The following WWP1 variants were observed in gnomAD, a reference collection of about 807,000 sequenced individuals.
The protein encoded by WWP1 is WW domain containing E3 ubiquitin protein ligase 1.
Under a neutral mutation model 130.6 loss-of-function variants are expected in WWP1, and 49 were observed. The observed-to-expected ratio is 0.38, with a 90% CI of 0.30 to 0.48. The LOEUF is 0.48. WWP1 is among the 20% of genes least tolerant of loss of function. The pLI, the probability that WWP1 is intolerant of heterozygous loss-of-function variation, is 0.99. For missense variants in WWP1, 809 were observed against 1,100.6 expected, an observed-to-expected ratio of 0.74 and a Z score of 3.75; for synonymous variants, 332 against 367.8, an observed-to-expected ratio of 0.90 and a Z score of 1.11.
chr8:86,361,985 TATATATAC>T (rs1282312328), intron 1 of WWP1, among the ~76,000 whole-genome samples: 39 of 135,086 alleles, frequency 2.9e-4, no homozygotes, highest in East Asian at 2.7e-3. Flanking sequence ...TATATATATA[TATATATAC>T]ATATATATAC....
At chr8:86,429,377 A>G (rs1022654375) in intron 11 of WWP1, among the ~76,000 whole-genome samples, 1 of 152,186 alleles carries the variant, frequency 6.6e-6, no homozygotes, top group African/African-American at 2.4e-5. Flanking sequence ...GGTTCTCAAG[A>G]ACAGGTGGAA....
chr8:86,385,155 G>A (rs1233849130), intron 5 of WWP1, among the ~76,000 whole-genome samples: 1 of 152,164 alleles, frequency 6.6e-6, no homozygotes, highest in Non-Finnish European at 1.5e-5. Context: ...TCTGATTTGA[G>A]GGGCAAGGTT....
chr8:86,414,530 A>C (rs966851017), intron 9 of WWP1, among the ~76,000 whole-genome samples: 7 of 152,186 alleles, frequency 4.6e-5, no homozygotes, highest in Admixed American at 3.9e-4. Context: ...TAACCCTTTG[A>C]GTCAGCAGTT....
chr8:86,382,367 A>T lies in WWP1; in HGVS notation c.334+738A>T, dbSNP rs538311832. 1.5e-4 allele frequency among the ~76,000 whole-genome samples: 23 copies of T among 152,262 alleles called. No homozygotes were observed. The South Asian group carries it at 4.8e-3, about 32-fold the overall frequency. On this transcript the variant is annotated intron_variant, in intron 5 of 24. Transcript: ENST00000517970. ...TCTGGGGAGAGGGTTCATAGCTTTT[A>T]TCAGATTCTCAAAATGTGTGATCCT...
intron 20 of WWP1, among the ~76,000 whole-genome samples, chr8:86,452,006 C>T (rs566777519): frequency 6.6e-6 from 1 of 152,298 alleles, no homozygotes; most frequent in African/African-American, 2.4e-5. Flanking sequence ...AGAACCTGTT[C>T]TCCAGCCTTA....
At chr8:86,406,225 GA>G (rs1808273565) in intron 8 of WWP1, among the ~76,000 whole-genome samples, 3 of 152,120 alleles carry the variant, frequency 2.0e-5, no homozygotes, top group African/African-American at 7.2e-5. Flanking sequence ...GATAATATGC[GA>G]CTACCTTATA....
chr8:86,438,547 TGTGA>T (rs201545639), intron 16 of WWP1, 34 bp from the exon 17 acceptor site: 364 of 1,471,512 alleles, frequency 2.5e-4, no homozygotes, highest in East Asian at 1.5e-3. Context: ...TTGTACTGCA[TGTGA>T]GTATTTAATA....
chr8:86,385,587 G>T (rs1825236456), intron 5 of WWP1, among the ~76,000 whole-genome samples: 1 of 152,202 alleles, frequency 6.6e-6, no homozygotes, highest in African/African-American at 2.4e-5. Flanking sequence ...GTTACCAGAA[G>T]TATATGTGGG....
chr8:86,447,036 A>C (rs1032803659), intron 18 of WWP1, among the ~76,000 whole-genome samples: 1 of 152,198 alleles, frequency 6.6e-6, no homozygotes, highest in Non-Finnish European at 1.5e-5. Context: ...TAGGAATGAA[A>C]TAGTCATCTA....
chr8:86,435,847 CTTTGT>C (rs967562300), intron 16 of WWP1, 143 bp downstream of exon 16: 14 of 762,994 alleles, frequency 1.8e-5, no homozygotes, highest in South Asian at 6.4e-5. Context: ...TGTTGAGTGC[CTTTGT>C]TTTGTTTTGT....
intron 3 of WWP1, among the ~76,000 whole-genome samples, chr8:86,375,226 A>G (rs1824561873): frequency 6.6e-6 from 1 of 152,098 alleles, no homozygotes; most frequent in African/African-American, 2.4e-5. Context: ...TCAAAATACC[A>G]TGTTTTAATG....
intron 2 of WWP1, among the ~76,000 whole-genome samples, chr8:86,372,171 G>A (rs935554948): frequency 7.3e-5 from 11 of 151,088 alleles, no homozygotes; most frequent in African/African-American, 1.2e-4. Flanking sequence ...CTACAGGCGC[G>A]CGCCACCATG....
At chr8:86,431,181 ATCTATAATATAATATATATTATATTC>A (rs1485068688) in intron 12 of WWP1, among the ~76,000 whole-genome samples, 199 bp from the exon 13 acceptor site, 1 of 140,374 alleles carries the variant, frequency 7.1e-6, no homozygotes, top group African/African-American at 2.6e-5. Context: ...CTACATAATT[ATCTATAATATAATATATATTATATTC>A]TCTATAATAT....
chr8:86,370,458 ACTC>A (rs1050876034), intron 2 of WWP1, among the ~76,000 whole-genome samples: 1 of 151,972 alleles, frequency 6.6e-6, no homozygotes, highest in African/African-American at 2.4e-5. Flanking sequence ...TTCATAGAGT[ACTC>A]CTTGGAAGAC....
intron 14 of WWP1, among the ~76,000 whole-genome samples, chr8:86,432,637 C>T (rs946918547): frequency 3.4e-5 from 5 of 148,308 alleles, no homozygotes; most frequent in African/African-American, 5.0e-5. Flanking sequence ...GACGGACTTT[C>T]GCTCCTGTTG....
At chr8:86,448,943 G>T (rs947817865) in intron 20 of WWP1, among the ~76,000 whole-genome samples, 5 of 152,024 alleles carry the variant, frequency 3.3e-5, no homozygotes, top group African/African-American at 1.2e-4. Context: ...AAGCAATTCT[G>T]CCTTAGTCTC....
intron 9 of WWP1, 113 bp from the exon 10 acceptor site, chr8:86,425,110 A>T: frequency 3.0e-6 from 2 of 674,048 alleles, no homozygotes; most frequent in Non-Finnish European, 4.9e-6. Context: ...GTGTGTGTGT[A>T]TAGTCTTTTA....
At chr8:86,351,528 A>G (rs1399970309) in intron 1 of WWP1, among the ~76,000 whole-genome samples, 1 of 149,602 alleles carries the variant, frequency 6.7e-6, no homozygotes, top group East Asian at 2.0e-4. Context: ...TTTAGTAGAG[A>G]TGTTGCCCAG....
intron 23 of WWP1, 175 bp downstream of exon 23, chr8:86,461,495 G>C: frequency 1.5e-6 from 1 of 647,922 alleles, no homozygotes; most frequent in Non-Finnish European, 2.7e-6. Flanking sequence ...AGACAAAAAT[G>C]AATGTGTCCT....
Sources: gnomAD v4.1 joint callset for allele counts (sites outside exome capture counted in the v4.1 genomes callset) on GRCh38, gnomAD v4.1.1 for gene constraint, MANE v1.5 for transcripts, NCBI Gene and HGNC (gene_info 2026-07-23, HGNC 2026-07-21) for gene names.